The following INTS9 variants were observed in gnomAD, a reference collection of about 807,000 sequenced individuals.
INTS9 encodes protein related to CPSF subunits of 74 kDa.
Under a neutral mutation model 79.7 loss-of-function variants are expected in INTS9, and 55 were observed. That is an observed-to-expected ratio of 0.69 (90% CI 0.56 to 0.86). The LOEUF is 0.86. Among genes scored for constraint, INTS9 ranks in the 40% least tolerant of loss-of-function variants. INTS9 has a pLI of 0.00. For synonymous variants in INTS9, 319 were observed against 325.2 expected, an observed-to-expected ratio of 0.98 and a Z score of 0.20; for missense variants, 721 against 831.5, an observed-to-expected ratio of 0.87 and a Z score of 1.64.
intron 1 of INTS9, among the ~76,000 whole-genome samples, chr8:28,870,777 G>A (rs1206757597): frequency 6.6e-6 from 1 of 152,098 alleles, no homozygotes; most frequent in Non-Finnish European, 1.5e-5. Flanking sequence ...GACTTTCAAC[G>A]CAGACAAAAG....
In INTS9 at chr8:28,770,023, G is replaced by C. The variant is rs774865732; in HGVS notation, c.1666C>G (p.Pro556Ala). The C allele has an allele frequency of 8.1e-6, 13 of 1,613,672 alleles. No individual in the cohort carries two copies. In the East Asian group the frequency reaches 1.1e-4, roughly 14 times the overall value. The change falls in exon 16 of 17, where the codon CCT becomes GCT. Residue 556 changes from proline (P) to alanine (A), a missense_variant. Pro to Ala is a conservative substitution (Grantham distance 27). Around this residue, in one of 3 missense-constraint regions of INTS9, gnomAD observed 281 missense variants for 300.8 expected, o/e 0.93. Transcript: ENST00000521022. ...TKDNKHLLQP[P>A]PRPAQPTSGK... Reference sequence around the variant, plus strand: ...CTCGTGGGCTGGGCGGGCCGAGGAGGGGGCTAGAGCAGAAGGAAAGAGTGG... The same window carrying C: ...CTCGTGGGCTGGGCGGGCCGAGGAGCGGGCTAGAGCAGAAGGAAAGAGTGG...
intron 3 of INTS9, among the ~76,000 whole-genome samples, chr8:28,847,936 C>T (rs910871111): frequency 6.6e-6 from 1 of 152,232 alleles, no homozygotes; most frequent in African/African-American, 2.4e-5. Flanking sequence ...ATACCAACTG[C>T]TGCATTTTGT....
intron 8 of INTS9, among the ~76,000 whole-genome samples, chr8:28,806,803 A>G (rs1172793273): frequency 1.3e-5 from 2 of 152,226 alleles, no homozygotes; most frequent in African/African-American, 2.4e-5. Flanking sequence ...AACATTATAG[A>G]GAAAATTATG....
At chr8:28,813,282 G>A (rs1805265030) in intron 7 of INTS9, among the ~76,000 whole-genome samples, 1 of 152,110 alleles carries the variant, frequency 6.6e-6, no homozygotes, top group South Asian at 2.1e-4. Context: ...CCTGCACGCT[G>A]GCCAATCGAA....
At chr8:28,862,468 G>A (rs1167783166) in intron 1 of INTS9, among the ~76,000 whole-genome samples, 1 of 152,182 alleles carries the variant, frequency 6.6e-6, no homozygotes, top group Non-Finnish European at 1.5e-5. Context: ...AACATTGAGG[G>A]TTGTTTCCTG....
chr8:28,830,897 C>G lies in INTS9; in HGVS notation c.488+4395G>C, dbSNP rs140740999. ...GTTACTACTCTCCTTGCTCCTCTAC[C>G]AAGTTAGTCTCAACAGTTTCTGATT... is the stretch of plus-strand genomic sequence containing the variant. On this transcript the variant is annotated intron_variant, in intron 6 of 16. Transcript: ENST00000521022. Among the ~76,000 whole-genome samples, 14 of 152,272 alleles carry G rather than the reference C, an allele frequency of 9.2e-5. No homozygotes were observed. In the East Asian group the frequency reaches 2.1e-3, roughly 23 times the overall value.
intron 8 of INTS9, chr8:28,798,323 G>A (rs1263690448): frequency 6.6e-6 from 1 of 152,218 alleles, no homozygotes; most frequent in African/African-American, 2.4e-5. Flanking sequence ...AGAATGGTGA[G>A]AAAGGAACCA....
rs143418228 is a variant in INTS9 at position 28,791,184 on chromosome 8, G to A, written c.1037+2623C>T. On this transcript the variant is annotated intron_variant, in intron 10 of 16. Coordinates refer to ENST00000521022, the MANE Select transcript of INTS9 (RefSeq NM_018250.4). ...CGACTTCTGCAAAGACTCTTGTCTT[G>A]TACTTCAGTTGCACCCCCTCCCACC... 2.9e-4 allele frequency among the ~76,000 whole-genome samples: 44 copies of A among 152,186 alleles called. No individual in the cohort carries two copies. In the East Asian group the frequency reaches 7.0e-3, roughly 24 times the overall value.
chr8:28,827,962 G>T (rs1995898), intron 6 of INTS9, among the ~76,000 whole-genome samples: 1 of 152,020 alleles, frequency 6.6e-6, no homozygotes, highest in East Asian at 1.9e-4. Context: ...GGAGTCTGGT[G>T]AGCATGAATC....
intron 11 of INTS9, among the ~76,000 whole-genome samples, chr8:28,786,878 T>C (rs890541780): frequency 1.1e-4 from 17 of 152,172 alleles, no homozygotes; most frequent in Non-Finnish European, 2.4e-4. Context: ...CCACCACGCC[T>C]GGCTAATTTT....
chr8:28,794,490 G>C (rs1282065155), intron 9 of INTS9, among the ~76,000 whole-genome samples: 8 of 152,156 alleles, frequency 5.3e-5, no homozygotes, highest in Non-Finnish European at 1.0e-4. Flanking sequence ...GCTATAACTT[G>C]AGGGCTGGTG....
At chr8:28,852,425 T>G (rs1036253246) in intron 2 of INTS9, among the ~76,000 whole-genome samples, 1 of 152,216 alleles carries the variant, frequency 6.6e-6, no homozygotes, top group Admixed American at 6.5e-5. Flanking sequence ...TCTCATTTCA[T>G]AGTCATATAT....
chr8:28,815,909 C>T (rs1805443440), intron 6 of INTS9, among the ~76,000 whole-genome samples: 2 of 152,004 alleles, frequency 1.3e-5, no homozygotes. Flanking sequence ...AGAATACTGA[C>T]CCAGAACAAT....
chr8:28,773,613 G>A (rs536866243), intron 14 of INTS9, among the ~76,000 whole-genome samples: 23 of 150,452 alleles, frequency 1.5e-4, no homozygotes, highest in South Asian at 8.4e-4. Flanking sequence ...GTGCAGTGGC[G>A]CGATTTTGGC....
chr8:28,813,104 C>T (rs954314464), intron 7 of INTS9, among the ~76,000 whole-genome samples: 4 of 152,058 alleles, frequency 2.6e-5, no homozygotes, highest in South Asian at 2.1e-4. Flanking sequence ...CCTTGTTGTT[C>T]GGTACTGAGT....
intron 10 of INTS9, among the ~76,000 whole-genome samples, chr8:28,793,530 CAT>C (rs1242461715): frequency 2.0e-5 from 3 of 152,116 alleles, no homozygotes; most frequent in Non-Finnish European, 4.4e-5. Context: ...CAGAGGGTGA[CAT>C]GTGATAAGTA....
In INTS9 at chr8:28,769,973, G is replaced by A. The variant is rs1290533363; in HGVS notation, c.1716C>T (p.Ser572=). 10 of 1,614,158 alleles carry A rather than the reference G, an allele frequency of 6.2e-6. No homozygotes were observed. The highest frequency in any genetic ancestry group is 5.5e-5 in the South Asian group (5 of 91,086). The change falls in exon 16 of 17, where the codon AGC becomes AGT. Residue 572 remains serine, a synonymous_variant. Transcript: ENST00000521022. ...GGACTTTGCAGTCTGGTACGTCATC[G>A]CTCACCCGCTTTCTCTTCTTCCCGC... The part of the protein sequence containing the change: ...PTSGKKRKRV[S]DDVPDCKVLK...
intron 6 of INTS9, among the ~76,000 whole-genome samples, chr8:28,830,236 C>T (rs1316261359): frequency 1.3e-5 from 2 of 152,148 alleles, no homozygotes; most frequent in Admixed American, 1.3e-4. Flanking sequence ...AATCCCTTAG[C>T]ACAAACATTA....
intron 1 of INTS9, among the ~76,000 whole-genome samples, chr8:28,871,002 A>T (rs1360242919): frequency 6.6e-6 from 1 of 152,220 alleles, no homozygotes; most frequent in Non-Finnish European, 1.5e-5. Flanking sequence ...AACATTTATT[A>T]ATCACTTACT....
Sources: allele counts gnomAD v4.1 joint callset (sites outside exome capture counted in the v4.1 genomes callset), GRCh38; gene constraint gnomAD v4.1.1; regional missense constraint gnomAD v4.1.1; transcripts MANE v1.5; gene names NCBI Gene and HGNC (gene_info 2026-07-23, HGNC 2026-07-21).